The following LOC112694756 variants were observed in gnomAD, a reference collection of about 807,000 sequenced individuals.
the LOC112694756 span, among the ~76,000 whole-genome samples, chr16:30,060,275 G>A: frequency 1.3e-5 from 2 of 152,152 alleles, no homozygotes; most frequent in Non-Finnish European, 2.9e-5. Flanking sequence ...CACCACACCT[G>A]GCCTTAGGTG....
the LOC112694756 span, chr16:30,064,772 G>A: frequency 2.7e-3 from 817 of 307,076 alleles, 4 homozygotes; most frequent in African/African-American, 0.017. Context: ...CGGCTCCTTC[G>A]GCCTCGCCGC....
At chr16:30,069,139 G>A in the LOC112694756 span, 4 of 1,351,568 alleles carry the variant, frequency 3.0e-6, no homozygotes, top group East Asian at 2.4e-5. Flanking sequence ...GGGCCAAGGA[G>A]GGATGGTGGG....
At chr16:30,066,849 A>G in the LOC112694756 span, 6 of 1,533,558 alleles carry the variant, frequency 3.9e-6, no homozygotes, top group Non-Finnish European at 5.3e-6. Flanking sequence ...CACGATCTTT[A>G]CATTCTAAAA....
At chr16:30,069,257 G>A in the LOC112694756 span, 1 of 1,589,080 alleles carries the variant, frequency 6.3e-7, no homozygotes, top group Non-Finnish European at 8.6e-7. Flanking sequence ...GATGTAGGTG[G>A]GACTCTGGGT....
chr16:30,070,060 CTGGGTGGA>C, the LOC112694756 span: 1 of 1,613,556 alleles, frequency 6.2e-7, no homozygotes, highest in South Asian at 1.1e-5. Flanking sequence ...GGCAGGGTGC[CTGGGTGGA>C]TGGGACTCGG....
the LOC112694756 span, chr16:30,069,855 G>C: frequency 6.2e-7 from 1 of 1,614,192 alleles, no homozygotes; most frequent in Non-Finnish European, 8.5e-7. Flanking sequence ...CTGGAGGCCA[G>C]AGTGAGGAGG....
At chr16:30,054,987 G>A in the LOC112694756 span, 2 of 396,948 alleles carry the variant, frequency 5.0e-6, no homozygotes, top group Non-Finnish European at 8.9e-6. Context: ...CCGGTAACCT[G>A]TCCCTTCATC....
chr16:30,066,369 C>T, the LOC112694756 span: 1 of 153,190 alleles, frequency 6.5e-6, no homozygotes, highest in African/African-American at 2.4e-5. Context: ...CCCCTTAACA[C>T]TTTCCCTGTC....
At chr16:30,057,236 C>A in the LOC112694756 span, among the ~76,000 whole-genome samples, 2 of 152,104 alleles carry the variant, frequency 1.3e-5, no homozygotes, top group African/African-American at 4.8e-5. Context: ...AACCTGACAT[C>A]ACACTTCGCC....
At chr16:30,054,780 C>G in the LOC112694756 span, 25 of 399,238 alleles carry the variant, frequency 6.3e-5, no homozygotes, top group Non-Finnish European at 1.1e-4. Flanking sequence ...CTGTACTCGT[C>G]CAGGCCTCCT....
chr16:30,061,752 G>A, the LOC112694756 span, among the ~76,000 whole-genome samples: 2 of 150,802 alleles, frequency 1.3e-5, no homozygotes, highest in Admixed American at 1.3e-4. Flanking sequence ...TAGAGAAGAG[G>A]TTTCGCCATG....
the LOC112694756 span, chr16:30,066,785 C>A: frequency 2.2e-6 from 3 of 1,354,312 alleles, no homozygotes; most frequent in Middle Eastern, 1.9e-4. Context: ...GAAGCACAGA[C>A]CTTTCCCATA....
chr16:30,069,571 A>G, the LOC112694756 span: 4 of 1,614,040 alleles, frequency 2.5e-6, no homozygotes, highest in Non-Finnish European at 3.4e-6. Context: ...GAAGCCCAAC[A>G]TGGTCACCCC....
At chr16:30,065,017 G>T in the LOC112694756 span, among the ~76,000 whole-genome samples, 1 of 152,266 alleles carries the variant, frequency 6.6e-6, no homozygotes, top group Non-Finnish European at 1.5e-5. Context: ...GCAGCGGCCG[G>T]TGCATAGCCG....
chr16:30,066,820 T>TTGG, the LOC112694756 span: 1 of 1,493,382 alleles, frequency 6.7e-7, no homozygotes, highest in Non-Finnish European at 9.0e-7. Context: ...CACGAGGGTG[T>TTGG]TGGGCCCTCT....
At chr16:30,063,359 A>G in the LOC112694756 span, among the ~76,000 whole-genome samples, 1 of 152,066 alleles carries the variant, frequency 6.6e-6, no homozygotes, top group African/African-American at 2.4e-5. Context: ...TTCTCTGTCT[A>G]CTGCCTCAAC....
chr16:30,055,349 T>A, the LOC112694756 span: 1 of 399,112 alleles, frequency 2.5e-6, no homozygotes. Context: ...TCCTACCCCC[T>A]GCCCCACTGA....
chr16:30,061,550 T>C, the LOC112694756 span, among the ~76,000 whole-genome samples: 1 of 122,956 alleles, frequency 8.1e-6, no homozygotes, highest in African/African-American at 3.0e-5. Flanking sequence ...TCCATTTCCT[T>C]TTTTTTTTTT....
chr16:30,059,857 A>G, the LOC112694756 span, among the ~76,000 whole-genome samples: 2 of 151,686 alleles, frequency 1.3e-5, no homozygotes, highest in Non-Finnish European at 2.9e-5. Context: ...GTGAGTCGCC[A>G]TGCCCGGCCA....
Sources: gnomAD v4.1 joint callset for allele counts (sites outside exome capture counted in the v4.1 genomes callset) on GRCh38, gnomAD v4.1.1 for gene constraint, MANE v1.5 for transcripts.